The following BMERB1 variants were observed in gnomAD, a reference collection of about 807,000 sequenced individuals.
BMERB1 encodes the protein bMERB domain containing 1.
A neutral mutation model predicts 23.6 loss-of-function variants in BMERB1; 12 were observed. The ratio of observed to expected loss-of-function variants is 0.51; its 90% CI spans 0.33 to 0.82. The LOEUF (loss-of-function observed/expected upper bound fraction) is 0.82, where lower values mean the gene tolerates loss of function less well. Among genes scored for constraint, BMERB1 ranks in the 40% least tolerant of loss-of-function variants. The pLI is 0.03. For missense variants in BMERB1, 247 were observed against 255.4 expected (o/e 0.97, Z 0.22); for synonymous variants, 122 against 96.6 (o/e 1.26, Z -1.54).
At chr16:15,463,569 T>C (rs2051154979) in intron 1 of BMERB1, among the ~76,000 whole-genome samples, 1 of 152,194 alleles carries the variant, frequency 6.6e-6, no homozygotes, top group African/African-American at 2.4e-5. Flanking sequence ...GTTTGACTGC[T>C]GAGGTCTTAC....
chr16:15,526,914 A>C (rs968084779), intron 2 of BMERB1, among the ~76,000 whole-genome samples: 2 of 148,632 alleles, frequency 1.3e-5, no homozygotes, highest in African/African-American at 4.9e-5. Flanking sequence ...AATTCTATGA[A>C]GTATGAAATA....
chr16:15,443,675 T>C (rs2050960825), intron 1 of BMERB1, among the ~76,000 whole-genome samples: 1 of 151,894 alleles, frequency 6.6e-6, no homozygotes, highest in African/African-American at 2.4e-5. Context: ...CCCAGCACTT[T>C]GGGAGGCCAA....
chr16:15,529,682 G>T (rs1286508986), intron 2 of BMERB1, among the ~76,000 whole-genome samples: 1 of 152,108 alleles, frequency 6.6e-6, no homozygotes, highest in East Asian at 1.9e-4. Flanking sequence ...TTGATTGAAT[G>T]AATTAATGAG....
chr16:15,496,352 G>A (rs544999503), intron 1 of BMERB1, among the ~76,000 whole-genome samples: 1 of 152,084 alleles, frequency 6.6e-6, no homozygotes, highest in African/African-American at 2.4e-5. Context: ...CACATTAAGA[G>A]CCTTATATAC....
At position 15,461,644 on chromosome 16, in the gene BMERB1, C is replaced by T. The variant is rs190357981; in HGVS notation, c.106+26885C>T. On this transcript the variant is annotated intron_variant, in intron 1 of 5. Transcript: ENST00000300006. ...TGCCAGTAAAAATACTAGATGTGGC[C>T]GGATGTGGTAGCTCATGCCTGTAAT... is the stretch of plus-strand genomic sequence containing the variant. 5.3e-5 allele frequency among the ~76,000 whole-genome samples: 8 copies of T among 152,078 alleles called. No homozygotes were observed. In the East Asian group the frequency reaches 7.7e-4, roughly 15 times the overall value.
chr16:15,468,007 GT>G (rs1409553391), intron 1 of BMERB1, among the ~76,000 whole-genome samples: 2 of 152,070 alleles, frequency 1.3e-5, no homozygotes, highest in Non-Finnish European at 2.9e-5. Context: ...AAGATAAGGG[GT>G]TGTGGAGACC....
At chr16:15,555,728 C>T (rs1309521420) in intron 2 of BMERB1, among the ~76,000 whole-genome samples, 1 of 152,164 alleles carries the variant, frequency 6.6e-6, no homozygotes, top group Non-Finnish European at 1.5e-5. Context: ...CCTTGGTCCC[C>T]AGCAAGATGC....
chr16:15,576,997 AG>A (rs1361106981), intron 3 of BMERB1: 1 of 152,168 alleles, frequency 6.6e-6, no homozygotes, highest in African/African-American at 2.4e-5. Flanking sequence ...TGATTTACAT[AG>A]GGCCCACAGA....
At chr16:15,520,642 C>T (rs375102663) in intron 2 of BMERB1, among the ~76,000 whole-genome samples, 1 of 152,006 alleles carries the variant, frequency 6.6e-6, no homozygotes, top group East Asian at 1.9e-4. Flanking sequence ...CGCCACCACG[C>T]CTGGCTAACT....
At chr16:15,558,486 T>G (rs946830237) in intron 2 of BMERB1, among the ~76,000 whole-genome samples, 1 of 152,002 alleles carries the variant, frequency 6.6e-6, no homozygotes, top group Non-Finnish European at 1.5e-5. Context: ...CGGGGAGTTT[T>G]GGGCCCTCTG....
chr16:15,570,995 G>A (rs2030710718), intron 3 of BMERB1, among the ~76,000 whole-genome samples: 1 of 150,994 alleles, frequency 6.6e-6, no homozygotes, highest in Non-Finnish European at 1.5e-5. Flanking sequence ...GGCTTTGGTG[G>A]GTTTTGGCAG....
At chr16:15,437,029 A>T (rs1410547424) in intron 1 of BMERB1, among the ~76,000 whole-genome samples, 1 of 152,140 alleles carries the variant, frequency 6.6e-6, no homozygotes, top group Non-Finnish European at 1.5e-5. Context: ...AGGTGATCTG[A>T]CAGTTAAGTG....
At chr16:15,533,889 A>G (rs1221082711) in intron 2 of BMERB1, among the ~76,000 whole-genome samples, 1 of 152,058 alleles carries the variant, frequency 6.6e-6, no homozygotes, top group Non-Finnish European at 1.5e-5. Context: ...CCTTGGAGAA[A>G]TACCTCCCAC....
chr16:15,513,539 A>G (rs1321318016), intron 1 of BMERB1, among the ~76,000 whole-genome samples: 2 of 152,228 alleles, frequency 1.3e-5, no homozygotes, highest in African/African-American at 2.4e-5. Flanking sequence ...ATAAATATAC[A>G]TTCACACGCA....
At chr16:15,521,672 G>A (rs1269536908) in intron 2 of BMERB1, among the ~76,000 whole-genome samples, 1 of 152,044 alleles carries the variant, frequency 6.6e-6, no homozygotes, top group African/African-American at 2.4e-5. Flanking sequence ...TTGACCCCTG[G>A]TTTCCAATGT....
At chr16:15,508,315 A>G (rs560480062) in intron 1 of BMERB1, among the ~76,000 whole-genome samples, 1 of 152,294 alleles carries the variant, frequency 6.6e-6, no homozygotes, top group East Asian at 1.9e-4. Context: ...GGGGTTGGCC[A>G]ACTTTTTCTA....
chr16:15,552,210 T>C (rs190340779), intron 2 of BMERB1, among the ~76,000 whole-genome samples: 1 of 151,656 alleles, frequency 6.6e-6, no homozygotes, highest in African/African-American at 2.4e-5. Flanking sequence ...GAGGCCGAGG[T>C]GGGTGGATCA....
intron 3 of BMERB1, among the ~76,000 whole-genome samples, chr16:15,575,887 G>A (rs1475598508): frequency 2.0e-5 from 3 of 152,032 alleles, no homozygotes; most frequent in Admixed American, 6.5e-5. Flanking sequence ...AAGGAGGAGG[G>A]TTTGCAAAGG....
chr16:15,581,736 T>C (rs2031019205), intron 4 of BMERB1, among the ~76,000 whole-genome samples: 1 of 152,196 alleles, frequency 6.6e-6, no homozygotes, highest in South Asian at 2.1e-4. Flanking sequence ...TGTTCTCCCC[T>C]TTCCCTTCCC....
Sources: gnomAD v4.1 joint callset for allele counts (sites outside exome capture counted in the v4.1 genomes callset) on GRCh38, gnomAD v4.1.1 for gene constraint, MANE v1.5 for transcripts, NCBI Gene and HGNC (gene_info 2026-07-23, HGNC 2026-07-21) for gene names.